Variants in SIGLEC6 observed in about 807,000 individuals in gnomAD.
SIGLEC6 encodes sialic acid-binding Ig-like lectin 6.
SIGLEC6 carries 31 observed loss-of-function variants against 41.4 expected under a neutral mutation model. The ratio of observed to expected loss-of-function variants is 0.75; its 90% CI spans 0.56 to 1.01. SIGLEC6 has a LOEUF of 1.01. SIGLEC6 is among the 50% of genes least tolerant of loss of function. The pLI, the probability that SIGLEC6 is intolerant of heterozygous loss-of-function variation, is 0.00. For synonymous variants in SIGLEC6, 217 were observed against 231.0 expected, an observed-to-expected ratio of 0.94 and a Z score of 0.55; for missense variants, 555 against 558.6, an observed-to-expected ratio of 0.99 and a Z score of 0.06.
intron 7 of SIGLEC6, among the ~76,000 whole-genome samples, chr19:51,521,681 G>A (rs1197177137): frequency 6.6e-6 from 1 of 152,038 alleles, no homozygotes; most frequent in Non-Finnish European, 1.5e-5. Flanking sequence ...GACAGTCTAG[G>A]TATTACCTCC....
In SIGLEC6 at chr19:51,519,834, C is replaced by T. The variant is rs1038380756; in HGVS notation, c.*248G>A. The T allele has an allele frequency of 1.8e-4, 45 of 256,504 alleles. No individual in the cohort carries two copies. Among genetic ancestry groups the T allele is most frequent in the African/African-American group, 9.7e-4 (44 of 45,402 alleles). 15.9% of individuals were successfully genotyped at this position (256,504 alleles called of 1,614,324 possible). On this transcript the variant is annotated 3_prime_UTR_variant, in exon 8 of 8. Transcript: ENST00000425629. ...AAGAGAAGATTAGGACACAAACACACTCAGAGGAAAGACCATGTGAAGACA... is the reference window on the plus strand; with the variant it reads ...AAGAGAAGATTAGGACACAAACACATTCAGAGGAAAGACCATGTGAAGACA...
chr19:51,530,996 G>T (rs756359729), intron 2 of SIGLEC6, 37 bp from the exon 3 acceptor site: 1 of 1,596,834 alleles, frequency 6.3e-7, no homozygotes, highest in South Asian at 1.1e-5. Context: ...CAGGATGGAG[G>T]TCTGAGGTTT....
intron 5 of SIGLEC6, 172 bp downstream of exon 5, chr19:51,529,552 G>A: frequency 1.3e-6 from 1 of 747,690 alleles, no homozygotes; most frequent in Non-Finnish European, 2.2e-6. Flanking sequence ...AGCTGCCAGT[G>A]CAGGGAGGAG....
At chr19:51,523,090 T>C (rs770606755) in intron 7 of SIGLEC6, among the ~76,000 whole-genome samples, 3 of 151,690 alleles carry the variant, frequency 2.0e-5, no homozygotes, top group Non-Finnish European at 2.9e-5. Context: ...CAGTGAGCCA[T>C]GTTCATGCCA....
At chr19:51,526,981 C>G (rs1401598903) in intron 7 of SIGLEC6, among the ~76,000 whole-genome samples, 2 of 152,162 alleles carry the variant, frequency 1.3e-5, no homozygotes, top group Admixed American at 6.5e-5. Context: ...CAAATTAACT[C>G]AGGCAGACAA....
rs899905550 is a variant in SIGLEC6, at chr19:51,531,658, A to G, written c.-10T>C. Reference sequence around the variant, plus strand: ...CCTGGGCTCCCTGCATGAGCAGAGAAGGGGAAGGGAGTGGAGGGGAAGGAC... The same window carrying G: ...CCTGGGCTCCCTGCATGAGCAGAGAGGGGGAAGGGAGTGGAGGGGAAGGAC... On this transcript the variant is annotated 5_prime_UTR_variant, in exon 1 of 8. Coordinates refer to ENST00000425629, the MANE Select transcript of SIGLEC6 (RefSeq NM_001245.7). 2.0e-5 allele frequency: 31 copies of G among 1,588,252 alleles called. No homozygotes were observed. The highest frequency in any genetic ancestry group is 2.6e-5 in the Non-Finnish European group (30 of 1,167,936).
At position 51,530,437 on chromosome 19, in the gene SIGLEC6, C is replaced by T; in HGVS notation, c.754G>A (p.Ala252Thr). ...AISIFQGNSA[A>T]FKILQNTSSL... ...GAGAACAGGACTGGCTGGTTCCTACCTGCGCTGTTTCCTTGGAAGATGCTG... is the reference window on the plus strand; with the variant it reads ...GAGAACAGGACTGGCTGGTTCCTACTTGCGCTGTTTCCTTGGAAGATGCTG... The change falls in exon 4 of 8, where the codon GCC (alanine) becomes ACC (threonine). Residue 252 changes from alanine to threonine, a missense_variant and splice_region_variant. Coordinates refer to ENST00000425629, the MANE Select transcript of SIGLEC6 (RefSeq NM_001245.7). 1 of 1,613,998 alleles carries T rather than the reference C, an allele frequency of 6.2e-7. No individual in the cohort carries two copies. Among genetic ancestry groups the T allele is most frequent in the Non-Finnish European group, 8.5e-7 (1 of 1,179,870 alleles).
intron 7 of SIGLEC6, among the ~76,000 whole-genome samples, chr19:51,525,501 C>T (rs115502135): frequency 1.9e-3 from 294 of 152,290 alleles, no homozygotes; most frequent in African/African-American, 6.8e-3. Flanking sequence ...GACCCGGGCC[C>T]CCAGCACAGC....
chr19:51,521,493 G>C (rs1990934907), intron 7 of SIGLEC6, among the ~76,000 whole-genome samples: 1 of 152,172 alleles, frequency 6.6e-6, no homozygotes, highest in Non-Finnish European at 1.5e-5. Context: ...ATTCCTGCCT[G>C]CATTCTTGCT....
chr19:51,531,086 G>T, intron 2 of SIGLEC6, 74 bp downstream of exon 2: 3 of 1,533,726 alleles, frequency 2.0e-6, no homozygotes, highest in Non-Finnish European at 2.6e-6. Flanking sequence ...TCCCAAGACG[G>T]GGCTCCCGTC....
chr19:51,529,826 G>T lies in SIGLEC6; in HGVS notation c.910C>A (p.Leu304Met). 1 of 1,614,174 alleles carries T rather than the reference G, an allele frequency of 6.2e-7. No individual in the cohort carries two copies. Among genetic ancestry groups the T allele is most frequent in the Non-Finnish European group, 8.5e-7 (1 of 1,180,024 alleles). The change falls in exon 5 of 8, where the codon CTG becomes ATG. Residue 304 changes from leucine to methionine, a missense_variant. Physicochemically the swap from Leu to Met is conservative, Grantham distance 15. Transcript: ENST00000425629. The part of the protein sequence containing the change: ...NATPISNTGV[L>M]ELPQVGSAEE... ...GCAGACCCTACTTGAGGCAGCTCCA[G>T]GACCCCGGTATTGGAGATGGGGGTG... is the stretch of plus-strand genomic sequence containing the variant.
chr19:51,523,933 G>T (rs1251577736), intron 7 of SIGLEC6, among the ~76,000 whole-genome samples: 2 of 152,176 alleles, frequency 1.3e-5, no homozygotes, highest in Non-Finnish European at 2.9e-5. Flanking sequence ...TGAGGCAGGA[G>T]AATGGCGTGA....
In SIGLEC6 at chr19:51,521,686, A is replaced by T. The variant is rs552955514; in HGVS notation, c.1189-1431T>A. Among the ~76,000 whole-genome samples the T allele has an allele frequency of 2.0e-5, 3 of 152,086 alleles. No homozygotes were observed. In the South Asian group the frequency reaches 6.2e-4, roughly 32 times the overall value. ...ACTTTTGGAAGACAGTCTAGGTATT[A>T]CCTCCCCCAGCACCAATTTTTCCTG... On this transcript the variant is annotated intron_variant, in intron 7 of 7. Coordinates refer to ENST00000425629, the MANE Select transcript of SIGLEC6 (RefSeq NM_001245.7).
At position 51,518,489 on chromosome 19, in the gene SIGLEC6, T is replaced by C. The variant is rs1840827; in HGVS notation, c.*1593A>G. Among the ~76,000 whole-genome samples, 125,463 of 152,102 alleles carry C rather than the reference T, an allele frequency of 0.82. 52,352 individuals are homozygous for C. The highest frequency in any genetic ancestry group is 0.93 in the African/African-American group (38,515 of 41,524). ...AGAAGTACCTGGGATTACAGGCAAG[T>C]GCCACCACACCGAGCTAATTTTTGT... On this transcript the variant is annotated 3_prime_UTR_variant, in exon 8 of 8. Transcript: ENST00000425629.
chr19:51,527,970 G>T, intron 6 of SIGLEC6, 142 bp from the exon 7 acceptor site: 1 of 939,532 alleles, frequency 1.1e-6, no homozygotes, highest in Non-Finnish European at 1.6e-6. Flanking sequence ...GTTGGACCAC[G>T]GTTTCAAAGA....
intron 6 of SIGLEC6, 142 bp from the exon 7 acceptor site, chr19:51,527,970 G>A (rs528880146): frequency 2.7e-5 from 25 of 939,536 alleles, no homozygotes; most frequent in Admixed American, 1.5e-4. Flanking sequence ...GTTGGACCAC[G>A]GTTTCAAAGA....
chr19:51,520,310 C>A (rs1990821295), intron 7 of SIGLEC6, 55 bp from the exon 8 acceptor site: 3 of 1,330,584 alleles, frequency 2.3e-6, no homozygotes, highest in Admixed American at 4.2e-5. Context: ...TCAAAGAAAG[C>A]AGCCAAGGAT....
At chr19:51,529,399 TC>T (rs1427421403) in intron 5 of SIGLEC6, 4 of 386,786 alleles carry the variant, frequency 1.0e-5, no homozygotes, top group African/African-American at 8.2e-5. Flanking sequence ...TCTGGGATGT[TC>T]TGGGCCTCAA....
chr19:51,523,694 C>A (rs865998369), intron 7 of SIGLEC6, among the ~76,000 whole-genome samples: 12 of 152,274 alleles, frequency 7.9e-5, no homozygotes, highest in Middle Eastern at 3.4e-3. Context: ...CACCTCAAAC[C>A]TTCCGTTAGG....
Sources: gnomAD v4.1 joint callset for allele counts (sites outside exome capture counted in the v4.1 genomes callset) on GRCh38, gnomAD v4.1.1 for gene constraint, MANE v1.5 for transcripts, NCBI Gene and HGNC (gene_info 2026-07-23, HGNC 2026-07-21) for gene names.